The following CCDC186 variants were observed in gnomAD, a reference collection of about 807,000 sequenced individuals.
The protein encoded by CCDC186 is coiled-coil domain containing 186, also known as coiled-coil domain-containing protein 186.
In CCDC186, 49 loss-of-function variants were observed where a neutral mutation model predicts 113.7. The observed-to-expected ratio is 0.43, with a 90% CI of 0.34 to 0.55. The LOEUF (loss-of-function observed/expected upper bound fraction) is 0.55, where lower values mean the gene tolerates loss of function less well. Among genes scored for constraint, CCDC186 ranks in the 20% least tolerant of loss-of-function variants. CCDC186 has a pLI of 0.02. For missense variants in CCDC186, 890 were observed against 1,011.1 expected (o/e 0.88, Z 1.62); for synonymous variants, 355 against 345.8 (o/e 1.03, Z -0.30).
At chr10:114,152,251 A>T (rs1161288975) in intron 3 of CCDC186, among the ~76,000 whole-genome samples, 2 of 152,076 alleles carry the variant, frequency 1.3e-5, no homozygotes, top group African/African-American at 2.4e-5. Context: ...CTGAGGCAGG[A>T]AGATTGCTAG....
chr10:114,159,197 T>C lies in CCDC186; in HGVS notation c.633-1517A>G, dbSNP rs567992462. Among the ~76,000 whole-genome samples, 3 of 152,178 alleles carry C rather than the reference T, an allele frequency of 2.0e-5. 1 individual carries two copies. The East Asian group carries it at 5.8e-4, about 29-fold the overall frequency. On this transcript the variant is annotated intron_variant, in intron 2 of 15. Coordinates refer to ENST00000369287, the MANE Select transcript of CCDC186 (RefSeq NM_018017.4). ...ATTCAAGCCTTTTATGACACAGTGG[T>C]TTAACTTAGATCATTTATGTGAGGC...
At chr10:114,141,797 G>A (rs1159007064) in intron 6 of CCDC186, among the ~76,000 whole-genome samples, 2 of 152,090 alleles carry the variant, frequency 1.3e-5, no homozygotes, top group Non-Finnish European at 2.9e-5. Flanking sequence ...CCTCAATTCA[G>A]GTAGACTGCT....
intron 4 of CCDC186, among the ~76,000 whole-genome samples, chr10:114,146,479 T>G (rs1357605009): frequency 1.3e-5 from 2 of 152,238 alleles, no homozygotes; most frequent in Non-Finnish European, 2.9e-5. Flanking sequence ...AGTAGCCATA[T>G]GCTAACAAAT....
chr10:114,154,966 A>G (rs1248392643), intron 3 of CCDC186, among the ~76,000 whole-genome samples: 10 of 152,236 alleles, frequency 6.6e-5, no homozygotes. Flanking sequence ...ATGTTAAATA[A>G]AAGAAGCTAG....
At chr10:114,159,150 A>G (rs1406422664) in intron 2 of CCDC186, among the ~76,000 whole-genome samples, 1 of 152,228 alleles carries the variant, frequency 6.6e-6, no homozygotes, top group Non-Finnish European at 1.5e-5. Context: ...TGTTTGGAAA[A>G]AAGGCAAATA....
At chr10:114,170,661 G>C (rs1435737957) in intron 1 of CCDC186, among the ~76,000 whole-genome samples, 1 of 152,150 alleles carries the variant, frequency 6.6e-6, no homozygotes, top group African/African-American at 2.4e-5. Flanking sequence ...AAGTGAAACA[G>C]CATTAGAATA....
At chr10:114,152,850 AAC>A (rs1378863335) in intron 3 of CCDC186, among the ~76,000 whole-genome samples, 1 of 152,210 alleles carries the variant, frequency 6.6e-6, no homozygotes, top group African/African-American at 2.4e-5. Flanking sequence ...TTACATAAAA[AAC>A]AGACTAAAAT....
At chr10:114,134,403 A>AT (rs1038758744) in intron 10 of CCDC186, among the ~76,000 whole-genome samples, 5 of 152,132 alleles carry the variant, frequency 3.3e-5, no homozygotes, top group African/African-American at 1.2e-4. Context: ...GATGGTAAGG[A>AT]TTTTTTTAGC....
At chr10:114,127,319 G>A (rs552829666) in intron 14 of CCDC186, 142 bp downstream of exon 14, 17 of 736,642 alleles carry the variant, frequency 2.3e-5, no homozygotes, top group Admixed American at 2.9e-5. Flanking sequence ...CATAATAGGT[G>A]ACCATAAAAG....
At chr10:114,160,755 G>T (rs1279335504) in intron 2 of CCDC186, among the ~76,000 whole-genome samples, 1 of 152,078 alleles carries the variant, frequency 6.6e-6, no homozygotes, top group African/African-American at 2.4e-5. Flanking sequence ...GTAAAAGGAA[G>T]TTTTCTTCAT....
Position 114,131,345 on chromosome 10 carries a change from T to C in CCDC186, c.1912-9A>G, listed in dbSNP as rs771737855. ...TTCAACAACCTACTTTCCTGAATAG[T>C]AAGTAAAACAAAAACCACCAATTTT... On this transcript the variant is annotated splice_polypyrimidine_tract_variant and intron_variant, in intron 11 of 15. Transcript: ENST00000369287. The C allele has an allele frequency of 2.6e-6, 4 of 1,536,388 alleles. No homozygotes were observed. In the South Asian group the frequency reaches 5.1e-5, roughly 20 times the overall value.
chr10:114,154,673 C>T (rs1242451083), intron 3 of CCDC186, among the ~76,000 whole-genome samples: 1 of 152,064 alleles, frequency 6.6e-6, no homozygotes, highest in African/African-American at 2.4e-5. Flanking sequence ...TGCTCTTCCC[C>T]CAAAAAGTAA....
intron 2 of CCDC186, among the ~76,000 whole-genome samples, chr10:114,158,566 A>T (rs887084285): frequency 1.4e-5 from 2 of 144,400 alleles, no homozygotes; most frequent in African/African-American, 5.0e-5. Flanking sequence ...TTTACGAATT[A>T]AAAAAAAAAA....
At chr10:114,146,331 C>T (rs952623394) in intron 4 of CCDC186, among the ~76,000 whole-genome samples, 9 of 152,242 alleles carry the variant, frequency 5.9e-5, no homozygotes, top group African/African-American at 1.4e-4. Flanking sequence ...GGGATCCCTA[C>T]ATCTTGTCCA....
At chr10:114,144,137 T>TA (rs2031560899) in intron 6 of CCDC186, among the ~76,000 whole-genome samples, 1 of 152,070 alleles carries the variant, frequency 6.6e-6, no homozygotes, top group Non-Finnish European at 1.5e-5. Context: ...TTTGGAAACT[T>TA]ACACATTCTC....
chr10:114,166,476 C>CG (rs2032338960), intron 1 of CCDC186, among the ~76,000 whole-genome samples: 1 of 152,234 alleles, frequency 6.6e-6, no homozygotes, highest in Non-Finnish European at 1.5e-5. Flanking sequence ...TTACACTCAT[C>CG]AAGCACATAG....
rs1188283086 is a variant in CCDC186, at chr10:114,174,156, A to T, written c.-203T>A. 1 of 468,838 alleles carries T rather than the reference A, an allele frequency of 2.1e-6. No individual in the cohort carries two copies. The highest frequency in any genetic ancestry group is 4.4e-6 in the Non-Finnish European group (1 of 225,116). The allele number at this position is 468,838 out of a possible 1,614,324, so 29.0% of individuals were successfully genotyped here. On this transcript the variant is annotated 5_prime_UTR_variant, in exon 1 of 16. Transcript: ENST00000369287. The stretch of plus-strand genomic sequence containing the variant: ...GAGAAACACAGCCGACGCCTCACTC[A>T]GCGGCCGTTTCCCCAAACCCCTGCG...
chr10:114,157,036 T>G (rs2032030054), intron 3 of CCDC186, among the ~76,000 whole-genome samples: 1 of 152,170 alleles, frequency 6.6e-6, no homozygotes, highest in Admixed American at 6.5e-5. Context: ...GTCACATGCA[T>G]AAGAATAAAC....
intron 2 of CCDC186, chr10:114,162,045 T>C (rs963437798): frequency 6.6e-6 from 1 of 152,218 alleles, no homozygotes; most frequent in African/African-American, 2.4e-5. Flanking sequence ...TAGTGTTGTT[T>C]AACGAATACA....
Sources: allele counts gnomAD v4.1 joint callset (sites outside exome capture counted in the v4.1 genomes callset), GRCh38; gene constraint gnomAD v4.1.1; transcripts MANE v1.5; gene names NCBI Gene and HGNC (gene_info 2026-07-23, HGNC 2026-07-21).